Variants in TMEM123 observed in about 807,000 individuals in gnomAD.
TMEM123 encodes the protein transmembrane protein 123.
Under a neutral mutation model 19.7 loss-of-function variants are expected in TMEM123, and 16 were observed. That is an observed-to-expected ratio of 0.81 (90% confidence interval 0.55 to 1.23). The LOEUF (loss-of-function observed/expected upper bound fraction) is 1.23, where lower values mean the gene tolerates loss of function less well. Ranked by LOEUF, TMEM123 falls within the 50% of genes most tolerant of loss-of-function variation. The pLI is 0.00. For synonymous variants in TMEM123, 118 were observed against 99.4 expected, an observed-to-expected ratio of 1.19 and a Z score of -1.12; for missense variants, 313 against 257.8, an observed-to-expected ratio of 1.21 and a Z score of -1.47.
intron 1 of TMEM123, among the ~76,000 whole-genome samples, chr11:102,450,897 T>C (rs1393543916): frequency 5.3e-5 from 8 of 152,258 alleles, no homozygotes; most frequent in Middle Eastern, 3.2e-3. Flanking sequence ...TGACATTGTA[T>C]ACAGATTACA....
At chr11:102,441,598 T>C (rs1197413285) in intron 2 of TMEM123, among the ~76,000 whole-genome samples, 3 of 151,938 alleles carry the variant, frequency 2.0e-5, no homozygotes, top group South Asian at 2.1e-4. Flanking sequence ...GCAGGAAAGA[T>C]CTAAAATTGA....
chr11:102,431,335 T>C (rs1857707111), intron 2 of TMEM123, among the ~76,000 whole-genome samples: 2 of 152,228 alleles, frequency 1.3e-5, no homozygotes, highest in South Asian at 4.1e-4. Flanking sequence ...GATTTATGAA[T>C]ACATGTAGAA....
At chr11:102,450,714 A>G (rs1312336467) in intron 1 of TMEM123, among the ~76,000 whole-genome samples, 1 of 152,222 alleles carries the variant, frequency 6.6e-6, no homozygotes, top group Non-Finnish European at 1.5e-5. Flanking sequence ...TAATTGTTTT[A>G]CTTGCCATAA....
chr11:102,402,490 G>A (rs958376468), intron 2 of TMEM123, among the ~76,000 whole-genome samples: 2 of 151,538 alleles, frequency 1.3e-5, no homozygotes, highest in Admixed American at 1.3e-4. Flanking sequence ...CCTCAGTGCA[G>A]GGACATGTCT....
chr11:102,429,492 T>C (rs1952157408), intron 2 of TMEM123, among the ~76,000 whole-genome samples: 1 of 152,204 alleles, frequency 6.6e-6, no homozygotes, highest in Non-Finnish European at 1.5e-5. Flanking sequence ...AAATGAGACT[T>C]TCCTCTTTGA....
intron 2 of TMEM123, among the ~76,000 whole-genome samples, chr11:102,423,252 C>T (rs1255131220): frequency 6.6e-6 from 1 of 152,138 alleles, no homozygotes; most frequent in East Asian, 1.9e-4. Flanking sequence ...CTTTGATAAG[C>T]CCCCCTTCAA....
At chr11:102,417,730 G>A (rs1952053206) in intron 2 of TMEM123, among the ~76,000 whole-genome samples, 1 of 152,124 alleles carries the variant, frequency 6.6e-6, no homozygotes, top group Non-Finnish European at 1.5e-5. Flanking sequence ...CATGCTACCT[G>A]ACTTTAAACT....
chr11:102,410,880 C>A (rs1228631687), intron 2 of TMEM123, among the ~76,000 whole-genome samples: 1 of 152,198 alleles, frequency 6.6e-6, no homozygotes, highest in Non-Finnish European at 1.5e-5. Flanking sequence ...CCTCCTCAGG[C>A]AATTTCCTTT....
intron 3 of TMEM123, 37 bp from the exon 4 acceptor site, chr11:102,401,729 A>ATT (rs139978855): frequency 3.2e-5 from 42 of 1,296,502 alleles, no homozygotes; most frequent in African/African-American, 1.5e-4. Context: ...CTTTAGCGTT[A>ATT]TTTTTTTTTT....
chr11:102,412,776 A>G (rs1366870906), intron 2 of TMEM123, among the ~76,000 whole-genome samples: 1 of 152,192 alleles, frequency 6.6e-6, no homozygotes, highest in Non-Finnish European at 1.5e-5. Context: ...AGAAAAGTAG[A>G]TACTTTTTAT....
Position 102,452,668 on chromosome 11 carries a change from G to A in TMEM123, c.-45C>T, listed in dbSNP as rs941322492. ...GGCAGCCTCGTGGGCTCCCAGCCGA[G>A]GTGGCGGCGGCGAGAGCGGCTCCTC... is the stretch of plus-strand genomic sequence containing the variant. On this transcript the variant is annotated 5_prime_UTR_variant, in exon 1 of 5. Coordinates refer to ENST00000398136, the MANE Select transcript of TMEM123 (RefSeq NM_052932.3). 3.3e-5 allele frequency: 46 copies of A among 1,384,504 alleles called. No individual in the cohort carries two copies. The highest frequency in any genetic ancestry group is 3.9e-5 in the Non-Finnish European group (41 of 1,057,092). 85.8% of individuals were successfully genotyped at this position (1,384,504 alleles called of 1,614,324 possible).
At chr11:102,438,133 A>T (rs1309325872) in intron 2 of TMEM123, among the ~76,000 whole-genome samples, 14 of 152,182 alleles carry the variant, frequency 9.2e-5, no homozygotes. Context: ...GGCTCACTGC[A>T]ATCTCTGCCA....
chr11:102,426,420 A>G (rs1428199414), intron 2 of TMEM123, among the ~76,000 whole-genome samples: 3 of 151,858 alleles, frequency 2.0e-5, no homozygotes, highest in Non-Finnish European at 2.9e-5. Flanking sequence ...TTACGCCCGC[A>G]TCACAATTCA....
chr11:102,432,412 T>G (rs1265008711), intron 2 of TMEM123, among the ~76,000 whole-genome samples: 3 of 152,214 alleles, frequency 2.0e-5, no homozygotes, highest in Non-Finnish European at 2.9e-5. Flanking sequence ...TTGCTATGCT[T>G]TAGCAAAGAG....
At chr11:102,414,711 A>T (rs186057624) in intron 2 of TMEM123, among the ~76,000 whole-genome samples, 38 of 152,328 alleles carry the variant, frequency 2.5e-4, no homozygotes, top group Admixed American at 4.6e-4. Flanking sequence ...ATAAACATGG[A>T]AATAAAGGGC....
rs545955371 is a variant in TMEM123 at position 102,432,806 on chromosome 11, T to C, written c.157+16006A>G. Among the ~76,000 whole-genome samples the C allele has an allele frequency of 2.6e-5, 4 of 152,322 alleles. No individual in the cohort carries two copies. The South Asian group carries it at 8.3e-4, about 32-fold the overall frequency. ...CCCTGCTCTATGCAGCCTGGGGACATAGTGCCCTGCGTCTCAGCTGCTTCA... is the reference window on the plus strand; with the variant it reads ...CCCTGCTCTATGCAGCCTGGGGACACAGTGCCCTGCGTCTCAGCTGCTTCA... On this transcript the variant is annotated intron_variant, in intron 2 of 4. Transcript: ENST00000398136.
chr11:102,446,143 A>T (rs1490786751), intron 2 of TMEM123, among the ~76,000 whole-genome samples: 1 of 152,216 alleles, frequency 6.6e-6, no homozygotes, highest in Admixed American at 6.5e-5. Context: ...TCCAATCTAG[A>T]CCATGCCACA....
intron 1 of TMEM123, among the ~76,000 whole-genome samples, chr11:102,449,727 G>A (rs924236830): frequency 2.0e-5 from 3 of 152,226 alleles, no homozygotes; most frequent in Non-Finnish European, 4.4e-5. Context: ...AACAGACTAC[G>A]TAGATGTATT....
At chr11:102,446,825 C>T (rs1857889761) in intron 2 of TMEM123, among the ~76,000 whole-genome samples, 1 of 152,160 alleles carries the variant, frequency 6.6e-6, no homozygotes, top group South Asian at 2.1e-4. Context: ...CAGTACATTC[C>T]TGGAATACAC....
Sources: gnomAD v4.1 joint callset for allele counts (sites outside exome capture counted in the v4.1 genomes callset) on GRCh38, gnomAD v4.1.1 for gene constraint, MANE v1.5 for transcripts, NCBI Gene and HGNC (gene_info 2026-07-23, HGNC 2026-07-21) for gene names.